PDXK: variants seen among roughly 807,000 people sequenced by gnomAD.
The protein encoded by PDXK is pyridoxal kinase.
A neutral mutation model predicts 43.2 loss-of-function variants in PDXK; 15 were observed. That is an observed-to-expected ratio of 0.35 (90% CI 0.23 to 0.53). The LOEUF (loss-of-function observed/expected upper bound fraction) is 0.53, where lower values mean the gene tolerates loss of function less well. Ranked by LOEUF, PDXK falls within the 20% of genes least tolerant of loss-of-function variation. The pLI is 0.92. For missense variants in PDXK, 343 were observed against 417.0 expected (o/e 0.82, Z 1.54); for synonymous variants, 172 against 165.4 (o/e 1.04, Z -0.31).
At position 43,754,024 on chromosome 21, in the gene PDXK, C is replaced by T. The variant is rs1057376996; in HGVS notation, c.759+305C>T. ...CAGGATTCAGATGCCACCCGCTTGG[C>T]GTTGGCGCAGGGCTGTGGGATGCAT... On this transcript the variant is annotated intron_variant, in intron 9 of 10. Coordinates refer to ENST00000291565, the MANE Select transcript of PDXK (RefSeq NM_003681.5). The surrounding 1 kb of genome is among the most constrained non-coding windows in gnomAD (Gnocchi z 5.5). Among the ~76,000 whole-genome samples the T allele has an allele frequency of 1.6e-4, 24 of 152,358 alleles. No homozygotes were observed. The highest frequency in any genetic ancestry group is 3.9e-4 in the Admixed American group (6 of 15,310).
At chr21:43,749,112 A>G in intron 6 of PDXK, 32 bp downstream of exon 6, 2 of 1,426,370 alleles carry the variant, frequency 1.4e-6, no homozygotes, top group Non-Finnish European at 9.8e-7. Context: ...TACTTTATTT[A>G]TTTATTTTTC....
chr21:43,748,145 C>G (rs919915855), intron 5 of PDXK, among the ~76,000 whole-genome samples: 1 of 152,256 alleles, frequency 6.6e-6, no homozygotes, highest in Non-Finnish European at 1.5e-5. Context: ...ATGAAGCCCA[C>G]AGAATTCTTC....
chr21:43,722,646 C>T (rs924081962), intron 1 of PDXK, among the ~76,000 whole-genome samples: 3 of 151,908 alleles, frequency 2.0e-5, no homozygotes, highest in South Asian at 2.1e-4. Context: ...GGGTCCTTCC[C>T]GGCCTCTTCC....
At chr21:43,752,929 T>G (rs2083779053) in intron 8 of PDXK, among the ~76,000 whole-genome samples, 1 of 152,106 alleles carries the variant, frequency 6.6e-6, no homozygotes, top group Non-Finnish European at 1.5e-5. Flanking sequence ...GTGCTGATTG[T>G]TTACACAGAC....
intron 7 of PDXK, among the ~76,000 whole-genome samples, chr21:43,750,866 C>G (rs1297044653): frequency 6.7e-6 from 1 of 148,900 alleles, no homozygotes; most frequent in African/African-American, 2.5e-5. Context: ...GCATGTGCGT[C>G]TGTGTGCATG....
In PDXK at chr21:43,732,178, G is replaced by C; in HGVS notation, c.88-1891G>C. ...TTCTTGGTACCTCCTGGTGGTGCCTGGGAGGGAGCCACTGCTGTACAGAGA... is the reference window on the plus strand; with the variant it reads ...TTCTTGGTACCTCCTGGTGGTGCCTCGGAGGGAGCCACTGCTGTACAGAGA... On this transcript the variant is annotated intron_variant, in intron 1 of 10. Coordinates refer to ENST00000291565, the MANE Select transcript of PDXK (RefSeq NM_003681.5). This position sits in a 1 kb window ranked among gnomAD's most constrained non-coding sequence, Gnocchi z 4.1. 1.4e-6 allele frequency: 2 copies of C among 1,415,200 alleles called. No homozygotes were observed. The highest frequency in any genetic ancestry group is 9.2e-7 in the Non-Finnish European group (1 of 1,089,064). 87.7% of individuals were successfully genotyped at this position (1,415,200 alleles called of 1,614,324 possible).
chr21:43,750,892 G>T (rs1215904264), intron 7 of PDXK, among the ~76,000 whole-genome samples: 2 of 150,864 alleles, frequency 1.3e-5, no homozygotes, highest in Non-Finnish European at 3.0e-5. Context: ...CCATGGGCGT[G>T]TGGGCATGGG....
chr21:43,750,281 T>C (rs2083711652), intron 6 of PDXK, among the ~76,000 whole-genome samples: 1 of 152,248 alleles, frequency 6.6e-6, no homozygotes, highest in South Asian at 2.1e-4. Flanking sequence ...ACAGCAGCCA[T>C]GATTGGGCCT....
At chr21:43,726,056 T>C (rs912225016) in intron 1 of PDXK, among the ~76,000 whole-genome samples, 2 of 152,056 alleles carry the variant, frequency 1.3e-5, no homozygotes, top group Non-Finnish European at 2.9e-5. Flanking sequence ...TGCCAGTCCC[T>C]GGGTCTGAGC....
chr21:43,733,316 G>C (rs1004960576), intron 1 of PDXK, among the ~76,000 whole-genome samples: 1 of 146,956 alleles, frequency 6.8e-6, no homozygotes, highest in East Asian at 2.0e-4. Flanking sequence ...AGCAGAGGTG[G>C]CACTGCCTGG....
intron 1 of PDXK, among the ~76,000 whole-genome samples, chr21:43,720,549 T>C (rs1427618209): frequency 6.6e-6 from 1 of 152,160 alleles, no homozygotes; most frequent in African/African-American, 2.4e-5. Context: ...GATGCGGTGC[T>C]TCACAGGTGG....
chr21:43,744,136 C>T (rs1453780238), intron 4 of PDXK, among the ~76,000 whole-genome samples: 1 of 148,908 alleles, frequency 6.7e-6, no homozygotes, highest in South Asian at 2.1e-4. Context: ...ACCCTAAAGG[C>T]GGAAGGGGCA....
At chr21:43,721,778 C>T (rs2083208100) in intron 1 of PDXK, 1 of 152,370 alleles carries the variant, frequency 6.6e-6, no homozygotes, top group African/African-American at 2.4e-5. Context: ...GGACCATCTG[C>T]ACGTCTGGGC....
intron 2 of PDXK, 60 bp from the exon 3 acceptor site, chr21:43,741,607 A>C (rs1267679776): frequency 6.3e-7 from 1 of 1,588,496 alleles, no homozygotes; most frequent in East Asian, 2.2e-5. Flanking sequence ...TGTCAAGGGA[A>C]GCCCACGGCC....
In PDXK at chr21:43,719,550, G is replaced by C. The variant is rs1293657474; in HGVS notation, c.87+169G>C. 10 of 966,858 alleles carry C rather than the reference G, an allele frequency of 1.0e-5. No individual in the cohort carries two copies. The African/African-American group carries it at 1.6e-4, about 15-fold the overall frequency. The allele number at this position is 966,858 out of a possible 1,614,324, so 59.9% of individuals were successfully genotyped here. A position where few individuals can be genotyped will look rare whatever the true frequency, so the allele number is the denominator to read the frequency against. On this transcript the variant is annotated intron_variant, in intron 1 of 10. Coordinates refer to ENST00000291565, the MANE Select transcript of PDXK (RefSeq NM_003681.5). The stretch of plus-strand genomic sequence containing the variant: ...ATGAGCCTCCCGCTCTGCTTGGCTT[G>C]CGGGGGCGGAAGCGGAGGGCTGAGC...
chr21:43,726,633 C>T (rs1306323365), intron 1 of PDXK, among the ~76,000 whole-genome samples: 4 of 152,160 alleles, frequency 2.6e-5, no homozygotes, highest in Non-Finnish European at 5.9e-5. Flanking sequence ...GTCTTGAACT[C>T]CTGACCTCAG....
chr21:43,745,096 C>T (rs1186246640), intron 4 of PDXK, among the ~76,000 whole-genome samples: 1 of 152,050 alleles, frequency 6.6e-6, no homozygotes, highest in Non-Finnish European at 1.5e-5. Context: ...AGGCTCGTCG[C>T]GGCTGGGAAA....
In PDXK at chr21:43,734,446, G is replaced by A. The variant is rs1008161473; in HGVS notation, c.142+323G>A. Reference sequence around the variant, plus strand: ...CAGGAGGGCAATCCTAACACCTGCCGTGAGGTTGCCAGAGTTGATTACGTC... The same window carrying A: ...CAGGAGGGCAATCCTAACACCTGCCATGAGGTTGCCAGAGTTGATTACGTC... On this transcript the variant is annotated intron_variant, in intron 2 of 10. Coordinates refer to ENST00000291565, the MANE Select transcript of PDXK (RefSeq NM_003681.5). The surrounding 1 kb of genome is among the most constrained non-coding windows in gnomAD (Gnocchi z 5.0). 2.6e-5 allele frequency among the ~76,000 whole-genome samples: 4 copies of A among 152,204 alleles called. No homozygotes were observed. The highest frequency in any genetic ancestry group is 7.2e-5 in the African/African-American group (3 of 41,440).
chr21:43,734,182 G>C lies in PDXK; in HGVS notation c.142+59G>C. On this transcript the variant is annotated intron_variant, in intron 2 of 10. Coordinates refer to ENST00000291565, the MANE Select transcript of PDXK (RefSeq NM_003681.5). This position sits in a 1 kb window ranked among gnomAD's most constrained non-coding sequence, Gnocchi z 5.0. ...AGACTGTGGGTGTGAGGGACGGGGC[G>C]GAGTGTGGGTGTGAGGGACGGGGCG... is the stretch of plus-strand genomic sequence containing the variant. 1 of 1,455,678 alleles carries C rather than the reference G, an allele frequency of 6.9e-7. No individual in the cohort carries two copies. The highest frequency in any genetic ancestry group is 9.5e-7 in the Non-Finnish European group (1 of 1,056,882). 90.2% of individuals were successfully genotyped at this position (1,455,678 alleles called of 1,614,324 possible). A position where few individuals can be genotyped will look rare whatever the true frequency, so the allele number is the denominator to read the frequency against.
Sources: gnomAD v4.1 joint callset for allele counts (sites outside exome capture counted in the v4.1 genomes callset) on GRCh38, gnomAD v4.1.1 for gene constraint, Gnocchi (gnomAD v3.1) non-coding constraint, MANE v1.5 for transcripts, NCBI Gene and HGNC (gene_info 2026-07-23, HGNC 2026-07-21) for gene names.